Variants in EPHA2 observed in about 807,000 individuals in gnomAD.
EPHA2 encodes the protein EPH receptor A2, also known as ephrin type-A receptor 2.
Under a neutral mutation model 104.9 loss-of-function variants are expected in EPHA2, and 54 were observed. The observed-to-expected ratio is 0.51, with a 90% confidence interval of 0.41 to 0.65. The LOEUF is 0.65. Ranked by LOEUF, EPHA2 falls within the 30% of genes least tolerant of loss-of-function variation. EPHA2 has a pLI of 0.00. For missense variants in EPHA2, 1,117 were observed against 1,369.5 expected (o/e 0.82, Z 2.91); for synonymous variants, 560 against 559.1 (o/e 1.00, Z -0.02).
intron 5 of EPHA2, among the ~76,000 whole-genome samples, chr1:16,136,796 TC>T (rs2024719981): frequency 1.4e-5 from 2 of 143,808 alleles, no homozygotes; most frequent in African/African-American, 2.6e-5. Context: ...CTGAATGCTT[TC>T]TTTTTTTTTT....
chr1:16,144,984 C>T (rs1194568882), intron 3 of EPHA2, among the ~76,000 whole-genome samples: 1 of 152,214 alleles, frequency 6.6e-6, no homozygotes, highest in Non-Finnish European at 1.5e-5. Flanking sequence ...CATGAAACTA[C>T]AGTAGGGAGG....
chr1:16,125,368 A>AGGGGGG lies in EPHA2; in HGVS notation c.2826-49_2826-48insCCCCCC. ...GGAGAGTTAGGGGCTGGAGCAGGGG[A>AGGGGGG]GGGGGCCGGGCTGGGTGGGGACAGG... On this transcript the variant is annotated intron_variant, in intron 16 of 16. Transcript: ENST00000358432. This position sits in a 1 kb window ranked among gnomAD's most constrained non-coding sequence, Gnocchi z 4.9. 5 of 74,572 alleles carry AGGGGGG rather than the reference A, an allele frequency of 6.7e-5. No homozygotes were observed. In the Admixed American group the frequency reaches 8.5e-4, roughly 13 times the overall value. The allele number at this position is 74,572 out of a possible 1,614,324, so 4.6% of individuals were successfully genotyped here.
rs144617471 is a variant in EPHA2 at position 16,135,920 on chromosome 1, G to A, written c.1313-150C>T. Reference sequence around the variant, plus strand: ...GGATCTCGCTCTCTCACCCAGGCTCGAGTGCAGTGGCATGATCTCGGCCCA... The same window carrying A: ...GGATCTCGCTCTCTCACCCAGGCTCAAGTGCAGTGGCATGATCTCGGCCCA... On this transcript the variant is annotated intron_variant, in intron 5 of 16. Coordinates refer to ENST00000358432, the MANE Select transcript of EPHA2 (RefSeq NM_004431.5). The surrounding 1 kb of genome is among the most constrained non-coding windows in gnomAD (Gnocchi z 4.3). 129 of 607,134 alleles carry A rather than the reference G, an allele frequency of 2.1e-4. No homozygotes were observed. Among genetic ancestry groups the A allele is most frequent in the African/African-American group, 2.1e-3 (116 of 54,642 alleles). The allele number at this position is 607,134 out of a possible 1,614,324, so 37.6% of individuals were successfully genotyped here.
intron 1 of EPHA2, among the ~76,000 whole-genome samples, chr1:16,152,969 C>T (rs1383732061): frequency 6.6e-6 from 1 of 152,184 alleles, no homozygotes; most frequent in Non-Finnish European, 1.5e-5. Flanking sequence ...GCGGGCGCGG[C>T]TCTTTCCCCA....
At chr1:16,152,400 G>A (rs555480359) in intron 1 of EPHA2, among the ~76,000 whole-genome samples, 26 of 151,844 alleles carry the variant, frequency 1.7e-4, no homozygotes, top group African/African-American at 6.3e-4. Context: ...ACTGACCGGG[G>A]CCAAACCTCT....
rs1227738675 is a variant in EPHA2, at chr1:16,133,922, G to A, written c.1683-7C>T. ...GGCACGCTGGTTCTTCCTCCTGAAA[G>A]AGCCCCACGGGGAACCAAATGCAGG... On this transcript the variant is annotated splice_polypyrimidine_tract_variant and splice_region_variant and intron_variant, in intron 8 of 16. Transcript: ENST00000358432. 1.1e-5 allele frequency: 17 copies of A among 1,550,684 alleles called. No homozygotes were observed. The African/African-American group carries it at 1.9e-4, about 17-fold the overall frequency.
chr1:16,144,149 G>A (rs1361560672), intron 3 of EPHA2, among the ~76,000 whole-genome samples: 1 of 152,246 alleles, frequency 6.6e-6, no homozygotes, highest in Admixed American at 6.5e-5. Context: ...AGGGAGAGAG[G>A]GAGGGAGGGA....
At position 16,134,530 on chromosome 1, in the gene EPHA2, G is replaced by GCCGCCAATCA; in HGVS notation, c.1610_1619dup (p.Val541AspfsTer58). 8 of 1,614,082 alleles carry GCCGCCAATCA rather than the reference G, an allele frequency of 5.0e-6. No individual in the cohort carries two copies. Among genetic ancestry groups the GCCGCCAATCA allele is most frequent in the Non-Finnish European group, 5.9e-6 (7 of 1,180,030 alleles). ...GAAGCAGGACCACACCGACAGCCACGCCGCCAATCACCGCCAAGTTGCCAG... is the reference window on the plus strand; with the variant it reads ...GAAGCAGGACCACACCGACAGCCACGCCGCCAATCACCGCCAATCACCGCCAAGTTGCCAG... On this transcript the variant is annotated frameshift_variant, in exon 8 of 17. Coordinates refer to ENST00000358432, the MANE Select transcript of EPHA2 (RefSeq NM_004431.5). LOFTEE classifies it high-confidence loss of function. This position sits in a 1 kb window ranked among gnomAD's most constrained non-coding sequence, Gnocchi z 4.5.
In EPHA2 at chr1:16,131,709, A is replaced by C. The variant is rs765532027; in HGVS notation, c.2475+12T>G. 6.2e-7 allele frequency: 1 copy of C among 1,613,926 alleles called. No homozygotes were observed. The highest frequency in any genetic ancestry group is 8.5e-7 in the Non-Finnish European group (1 of 1,180,012). On this transcript the variant is annotated intron_variant, in intron 14 of 16. Transcript: ENST00000358432. This position sits in a 1 kb window ranked among gnomAD's most constrained non-coding sequence, Gnocchi z 5.2. ...AGGTCCGGACAGGCCTGGGGAGGGCAAGGGCACCCACCTCGTGGTTGGACA... is the reference window on the plus strand; with the variant it reads ...AGGTCCGGACAGGCCTGGGGAGGGCCAGGGCACCCACCTCGTGGTTGGACA...
chr1:16,129,937 T>C (rs1221185377), intron 15 of EPHA2, among the ~76,000 whole-genome samples: 4 of 152,152 alleles, frequency 2.6e-5, no homozygotes, highest in African/African-American at 9.7e-5. Context: ...TGTCTCAGTT[T>C]CTTCTTCTAC....
At chr1:16,126,573 G>A (rs1292553385) in intron 16 of EPHA2, among the ~76,000 whole-genome samples, 1 of 152,194 alleles carries the variant, frequency 6.6e-6, no homozygotes, top group Non-Finnish European at 1.5e-5. Context: ...AACTTCCTAC[G>A]CTACCTGCAC....
intron 3 of EPHA2, among the ~76,000 whole-genome samples, chr1:16,144,463 C>G (rs772609948): frequency 6.6e-6 from 1 of 152,206 alleles, no homozygotes; most frequent in Non-Finnish European, 1.5e-5. Flanking sequence ...CCGAGACCAC[C>G]CTGTCTAAAG....
Position 16,125,368 on chromosome 1 carries a change from A to AGGGGG in EPHA2, c.2826-53_2826-49dup. 5.4e-5 allele frequency: 4 copies of AGGGGG among 74,574 alleles called. No individual in the cohort carries two copies. The Admixed American group carries it at 6.8e-4, about 13-fold the overall frequency. The allele number at this position is 74,574 out of a possible 1,614,324, so 4.6% of individuals were successfully genotyped here. Reference sequence around the variant, plus strand: ...GGAGAGTTAGGGGCTGGAGCAGGGGAGGGGGCCGGGCTGGGTGGGGACAGG... The same window carrying AGGGGG: ...GGAGAGTTAGGGGCTGGAGCAGGGGAGGGGGGGGGGCCGGGCTGGGTGGGGACAGG... On this transcript the variant is annotated intron_variant, in intron 16 of 16. Transcript: ENST00000358432. This position sits in a 1 kb window ranked among gnomAD's most constrained non-coding sequence, Gnocchi z 4.9.
At chr1:16,141,856 CA>C (rs2024830497) in intron 3 of EPHA2, among the ~76,000 whole-genome samples, 1 of 152,250 alleles carries the variant, frequency 6.6e-6, no homozygotes, top group Admixed American at 6.5e-5. Flanking sequence ...GCAGCGTCAA[CA>C]GGGCATGTGC....
At position 16,128,217 on chromosome 1, in the gene EPHA2, C is replaced by T. The variant is rs1404865173; in HGVS notation, c.2825+1217G>A. Among the ~76,000 whole-genome samples the T allele has an allele frequency of 2.0e-5, 3 of 152,192 alleles. No homozygotes were observed. The highest frequency in any genetic ancestry group is 6.5e-5 in the Admixed American group (1 of 15,280). The stretch of plus-strand genomic sequence containing the variant: ...GTCACCCGCTAGGAAGTGGCAGATG[C>T]GGGACTTGAACCCAGGTATGTGTGC... On this transcript the variant is annotated intron_variant, in intron 16 of 16. Transcript: ENST00000358432. The surrounding 1 kb of genome is among the most constrained non-coding windows in gnomAD (Gnocchi z 4.7).
At chr1:16,136,517 G>C (rs1249404484) in intron 5 of EPHA2, among the ~76,000 whole-genome samples, 8 of 150,558 alleles carry the variant, frequency 5.3e-5, no homozygotes, top group African/African-American at 1.9e-4. Flanking sequence ...TACTCAGGAG[G>C]CTGAGGCAGG....
rs770812294 is a variant in EPHA2 at position 16,148,944 on chromosome 1, A to G, written c.257T>C (p.Val86Ala). The G allele has an allele frequency of 3.7e-6, 6 of 1,613,992 alleles. No individual in the cohort carries two copies. Among genetic ancestry groups the G allele is most frequent in the Admixed American group, 1.7e-5 (1 of 60,006 alleles). The change falls in exon 3 of 17, where the codon GTG becomes GCG. Residue 86 changes from valine (V) to alanine (A), a missense_variant. By Grantham distance (64) the Val-to-Ala change is moderately conservative. Coordinates refer to ENST00000358432, the MANE Select transcript of EPHA2 (RefSeq NM_004431.5). This position sits in a 1 kb window ranked among gnomAD's most constrained non-coding sequence, Gnocchi z 4.9. ...DQDNWLRTNW[V>A]YRGEAERIFI... ...GATACGCTCAGCCTCTCCTCGGTACACCCAGTTGGTGCGGAGCCAGTTGTC... is the reference window on the plus strand; with the variant it reads ...GATACGCTCAGCCTCTCCTCGGTACGCCCAGTTGGTGCGGAGCCAGTTGTC...
chr1:16,154,749 TCCG>T (rs2025116815), intron 1 of EPHA2, among the ~76,000 whole-genome samples: 1 of 61,034 alleles, frequency 1.6e-5, no homozygotes, highest in African/African-American at 6.3e-5. Flanking sequence ...AGTGCGAAAC[TCCG>T]TCTCAAAAAA....
At position 16,135,625 on chromosome 1, in the gene EPHA2, TA is replaced by T; in HGVS notation, c.1428+29del. The T allele has an allele frequency of 1.9e-6, 3 of 1,602,148 alleles. No homozygotes were observed. The highest frequency in any genetic ancestry group is 2.6e-6 in the Non-Finnish European group (3 of 1,169,378). On this transcript the variant is annotated intron_variant, in intron 6 of 16. Coordinates refer to ENST00000358432, the MANE Select transcript of EPHA2 (RefSeq NM_004431.5). The surrounding 1 kb of genome is among the most constrained non-coding windows in gnomAD (Gnocchi z 4.3). ...GCCTGTCCCCTGCTGTCGGCCCAGC[TA>T]GAGCCAGCCCCGCCCCTCTGGGAGT...
Sources: gnomAD v4.1 joint callset for allele counts (sites outside exome capture counted in the v4.1 genomes callset) on GRCh38, gnomAD v4.1.1 for gene constraint, Gnocchi (gnomAD v3.1) non-coding constraint, MANE v1.5 for transcripts, NCBI Gene and HGNC (gene_info 2026-07-23, HGNC 2026-07-21) for gene names.